The following PHACTR1 variants were observed in gnomAD, a reference collection of about 807,000 sequenced individuals.
PHACTR1 encodes phosphatase and actin regulator 1.
PHACTR1 carries 16 observed loss-of-function variants against 69.2 expected under a neutral mutation model. The observed-to-expected ratio is 0.23, with a 90% CI of 0.16 to 0.35. The LOEUF (loss-of-function observed/expected upper bound fraction) is 0.35. Ranked by LOEUF, PHACTR1 falls within the 10% of genes least tolerant of loss-of-function variation. The probability of loss-of-function intolerance (pLI) is 1.00; values close to 1 mark genes in which losing one functional copy is unlikely to be tolerated. For synonymous variants in PHACTR1, 312 were observed against 284.5 expected, an observed-to-expected ratio of 1.10 and a Z score of -0.97; for missense variants, 510 against 734.7, an observed-to-expected ratio of 0.69 and a Z score of 3.54.
chr6:13,190,436 T>C (rs1056813655), intron 7 of PHACTR1, among the ~76,000 whole-genome samples: 12 of 152,038 alleles, frequency 7.9e-5, no homozygotes, highest in Non-Finnish European at 1.5e-4. Flanking sequence ...TACAGTCACA[T>C]TGGGGGTGAG....
chr6:13,145,490 C>A (rs1026776912), intron 5 of PHACTR1, among the ~76,000 whole-genome samples: 1 of 152,188 alleles, frequency 6.6e-6, no homozygotes, highest in African/African-American at 2.4e-5. Flanking sequence ...AAGAAGTGAT[C>A]ACAGTTTATA....
chr6:13,154,998 G>A (rs1054124617), intron 5 of PHACTR1, among the ~76,000 whole-genome samples: 4 of 151,824 alleles, frequency 2.6e-5, no homozygotes, highest in Non-Finnish European at 5.9e-5. Flanking sequence ...CATAAACCAG[G>A]TCCAATGGTT....
intron 4 of PHACTR1, among the ~76,000 whole-genome samples, chr6:12,800,841 A>T (rs987926532): frequency 1.8e-4 from 28 of 152,076 alleles, no homozygotes; most frequent in Non-Finnish European, 3.7e-4. Flanking sequence ...GTGAGCCCTG[A>T]TCCTGCCACT....
chr6:13,089,284 C>T (rs956666861), intron 5 of PHACTR1, among the ~76,000 whole-genome samples: 4 of 152,196 alleles, frequency 2.6e-5, no homozygotes, highest in African/African-American at 7.2e-5. Flanking sequence ...TCTTGGCCAT[C>T]TGGGCAGAGA....
chr6:12,903,234 A>G (rs1457559274), intron 4 of PHACTR1, among the ~76,000 whole-genome samples: 1 of 152,190 alleles, frequency 6.6e-6, no homozygotes, highest in Non-Finnish European at 1.5e-5. Flanking sequence ...TCAAATGAAT[A>G]AGGATAAGGA....
intron 5 of PHACTR1, among the ~76,000 whole-genome samples, chr6:13,142,953 T>G (rs1051457939): frequency 6.6e-6 from 1 of 152,214 alleles, no homozygotes; most frequent in African/African-American, 2.4e-5. Flanking sequence ...CTCCCGGATA[T>G]TTAATAATGA....
intron 5 of PHACTR1, among the ~76,000 whole-genome samples, chr6:13,075,270 G>A (rs1284060800): frequency 6.6e-6 from 1 of 152,144 alleles, no homozygotes; most frequent in Non-Finnish European, 1.5e-5. Context: ...TGTGGAAGAA[G>A]GAACTGAGAC....
chr6:13,244,657 G>A (rs903340840), intron 10 of PHACTR1, among the ~76,000 whole-genome samples: 3 of 152,206 alleles, frequency 2.0e-5, no homozygotes, highest in Admixed American at 2.0e-4. Context: ...ATATGGCTCT[G>A]TTCTGCCCGG....
intron 4 of PHACTR1, among the ~76,000 whole-genome samples, chr6:12,970,340 G>A (rs953673724): frequency 5.3e-5 from 8 of 152,322 alleles, no homozygotes; most frequent in Admixed American, 6.5e-5. Context: ...AGAAAAGAAT[G>A]TGTCCCTGTT....
intron 10 of PHACTR1, among the ~76,000 whole-genome samples, chr6:13,263,084 C>G (rs199787609): frequency 2.0e-5 from 3 of 152,134 alleles, no homozygotes; most frequent in African/African-American, 4.8e-5. Context: ...ACAAAACCTA[C>G]AAGGGTTTTG....
chr6:13,265,961 A>G (rs1000462431), intron 10 of PHACTR1, among the ~76,000 whole-genome samples: 1 of 152,168 alleles, frequency 6.6e-6, no homozygotes, highest in Non-Finnish European at 1.5e-5. Flanking sequence ...TCACTGGCCT[A>G]GTCCTCTCCT....
chr6:12,916,498 C>T (rs9472958), intron 4 of PHACTR1, among the ~76,000 whole-genome samples: 5 of 150,720 alleles, frequency 3.3e-5, no homozygotes, highest in Admixed American at 2.0e-4. Context: ...CTTGTTTACA[C>T]GTCAGGCTTT....
At chr6:13,280,463 T>A (rs1014116724) in intron 12 of PHACTR1, 7 of 158,908 alleles carry the variant, frequency 4.4e-5, no homozygotes, top group Admixed American at 2.4e-4. Flanking sequence ...GGAACCTACA[T>A]CATCACTTCC....
chr6:12,824,367 C>A (rs570809361), intron 4 of PHACTR1, among the ~76,000 whole-genome samples: 1 of 152,090 alleles, frequency 6.6e-6, no homozygotes, highest in East Asian at 1.9e-4. Flanking sequence ...AAATAAAATG[C>A]GCCATAAATG....
intron 4 of PHACTR1, among the ~76,000 whole-genome samples, chr6:13,008,516 T>C (rs548732054): frequency 2.9e-4 from 44 of 152,184 alleles, no homozygotes; most frequent in Non-Finnish European, 4.4e-4. Context: ...TTATATCAAA[T>C]ATGAGACAGC....
chr6:13,260,394 G>C (rs1775750417), intron 10 of PHACTR1, among the ~76,000 whole-genome samples: 1 of 152,158 alleles, frequency 6.6e-6, no homozygotes, highest in Non-Finnish European at 1.5e-5. Context: ...TGGCCAGGCT[G>C]TGGTGTGGAG....
At chr6:13,095,029 C>T (rs1156474009) in intron 5 of PHACTR1, among the ~76,000 whole-genome samples, 1 of 152,150 alleles carries the variant, frequency 6.6e-6, no homozygotes, top group Non-Finnish European at 1.5e-5. Context: ...GTGTCTCTCT[C>T]TCTTAAAAAA....
chr6:13,086,516 C>T (rs957538098), intron 5 of PHACTR1, among the ~76,000 whole-genome samples: 2 of 152,132 alleles, frequency 1.3e-5, no homozygotes, highest in Non-Finnish European at 1.5e-5. Flanking sequence ...CCCTAGGCCC[C>T]AGTAACCAGT....
chr6:13,019,803 C>G (rs1052107497), intron 4 of PHACTR1, among the ~76,000 whole-genome samples: 1 of 152,162 alleles, frequency 6.6e-6, no homozygotes, highest in Non-Finnish European at 1.5e-5. Context: ...GTGAAAGGAT[C>G]AGTACTTGTT....
Sources: allele counts gnomAD v4.1 joint callset (sites outside exome capture counted in the v4.1 genomes callset), GRCh38; gene constraint gnomAD v4.1.1; transcripts MANE v1.5; gene names NCBI Gene and HGNC (gene_info 2026-07-23, HGNC 2026-07-21).